The following NEBL variants were observed in gnomAD, a reference collection of about 807,000 sequenced individuals.
NEBL encodes the protein nebulette.
A neutral mutation model predicts 140.2 loss-of-function variants in NEBL; 122 were observed. That is an observed-to-expected ratio of 0.87 (90% CI 0.75 to 1.01). The LOEUF is 1.01. Ranked by LOEUF, NEBL falls within the 50% of genes least tolerant of loss-of-function variation. The pLI, the probability that NEBL is intolerant of heterozygous loss-of-function variation, is 0.00. For synonymous variants in NEBL, 436 were observed against 398.9 expected (o/e 1.09, Z -1.11); for missense variants, 1,365 against 1,231.3 (o/e 1.11, Z -1.62).
chr10:21,105,495 G>A (rs1837672241), intron 2 of NEBL, among the ~76,000 whole-genome samples: 1 of 152,150 alleles, frequency 6.6e-6, no homozygotes, highest in Non-Finnish European at 1.5e-5. Context: ...CTTCATCCAT[G>A]TCCCTGCAAA....
chr10:20,804,775 G>A (rs764221972), intron 26 of NEBL, among the ~76,000 whole-genome samples: 11 of 152,120 alleles, frequency 7.2e-5, no homozygotes, highest in Non-Finnish European at 1.2e-4. Context: ...AGCAGTGACC[G>A]GGGCCCAAGA....
At chr10:21,042,646 A>C (rs775608560) in intron 2 of NEBL, among the ~76,000 whole-genome samples, 8 of 152,198 alleles carry the variant, frequency 5.3e-5, no homozygotes, top group South Asian at 2.1e-4. Context: ...TGATGGCTTG[A>C]AATTTACCAT....
At chr10:21,129,366 C>A (rs980638716) in intron 2 of NEBL, among the ~76,000 whole-genome samples, 17 of 151,960 alleles carry the variant, frequency 1.1e-4, no homozygotes, top group Non-Finnish European at 2.2e-4. Flanking sequence ...CCCACCTTAG[C>A]CTTTTGAGTG....
chr10:20,864,747 T>G (rs1471929624), intron 7 of NEBL, among the ~76,000 whole-genome samples: 1 of 152,194 alleles, frequency 6.6e-6, no homozygotes, highest in Non-Finnish European at 1.5e-5. Flanking sequence ...ACTTTAATGC[T>G]GTCAGTGAAA....
chr10:20,919,991 A>G (rs1833504362), intron 4 of NEBL, among the ~76,000 whole-genome samples: 1 of 152,196 alleles, frequency 6.6e-6, no homozygotes, highest in Non-Finnish European at 1.5e-5. Flanking sequence ...ACAACCCAAT[A>G]TGGACAAAAG....
rs76400717 is a variant in NEBL, at chr10:20,861,814, A to T, written c.685-1988T>A. Among the ~76,000 whole-genome samples, 1,486 of 152,254 alleles carry T rather than the reference A, an allele frequency of 9.8e-3. 29 individuals carry two copies. Among genetic ancestry groups the T allele is most frequent in the African/African-American group, 0.034 (1,422 of 41,536 alleles). On this transcript the variant is annotated intron_variant, in intron 7 of 27. Transcript: ENST00000377122. ...ATTAAACCTTGCATATGCTCTCCCA[A>T]GTAAATGTTACAGACACCCCTTCCT... is the stretch of plus-strand genomic sequence containing the variant.
At chr10:21,033,504 T>C (rs955980281) in intron 2 of NEBL, among the ~76,000 whole-genome samples, 8 of 152,246 alleles carry the variant, frequency 5.3e-5, no homozygotes, top group African/African-American at 1.7e-4. Context: ...ATATTAAAAC[T>C]TAAATCTCTG....
At chr10:20,941,882 G>C (rs1282606058) in intron 4 of NEBL, among the ~76,000 whole-genome samples, 1 of 151,800 alleles carries the variant, frequency 6.6e-6, no homozygotes, top group Non-Finnish European at 1.5e-5. Context: ...AACTTACAAG[G>C]GATGTGAAGG....
chr10:20,991,646 G>A (rs981677931), intron 3 of NEBL, among the ~76,000 whole-genome samples: 16 of 150,550 alleles, frequency 1.1e-4, no homozygotes, highest in African/African-American at 3.4e-4. Context: ...CAGGGGTACC[G>A]GTGCAGTTTG....
At chr10:21,175,584 A>G (rs977615204), upstream of NEBL, among the ~76,000 whole-genome samples, 4 of 152,252 alleles carry the variant, frequency 2.6e-5, no homozygotes, top group African/African-American at 9.6e-5. Context: ...ACTGATGGAC[A>G]TATTCATAAT....
chr10:20,799,811 T>C (rs1397622290), intron 26 of NEBL, among the ~76,000 whole-genome samples: 4 of 152,188 alleles, frequency 2.6e-5, no homozygotes, highest in Non-Finnish European at 5.9e-5. Flanking sequence ...TATTTTCTTC[T>C]TCTTAAATAA....
At chr10:20,815,186 T>C (rs1838601924) in intron 22 of NEBL, among the ~76,000 whole-genome samples, 1 of 152,236 alleles carries the variant, frequency 6.6e-6, no homozygotes, top group South Asian at 2.1e-4. Flanking sequence ...ACGTTAACTG[T>C]ATTTAAGGAT....
At chr10:21,092,992 CT>C (rs1379774038) in intron 2 of NEBL, among the ~76,000 whole-genome samples, 2 of 152,094 alleles carry the variant, frequency 1.3e-5, no homozygotes, top group Non-Finnish European at 2.9e-5. Flanking sequence ...TATATTTTCT[CT>C]GATGTGGGAA....
intron 14 of NEBL, among the ~76,000 whole-genome samples, chr10:20,834,958 C>A (rs1240406773): frequency 6.6e-6 from 1 of 152,180 alleles, no homozygotes; most frequent in South Asian, 2.1e-4. Flanking sequence ...GAAGAAAAAA[C>A]TGGTGTTATC....
At chr10:20,928,304 A>G (rs557777202) in intron 4 of NEBL, among the ~76,000 whole-genome samples, 23 of 152,350 alleles carry the variant, frequency 1.5e-4, no homozygotes, top group South Asian at 8.3e-4. Context: ...CAGTTACACC[A>G]GCCACCTTTC....
intron 2 of NEBL, among the ~76,000 whole-genome samples, chr10:21,061,843 C>T (rs1453382581): frequency 1.3e-5 from 2 of 152,142 alleles, no homozygotes; most frequent in East Asian, 1.9e-4. Flanking sequence ...ACTTGGGTCA[C>T]CTCTGTACTT....
At chr10:20,959,678 T>G (rs767196718) in intron 4 of NEBL, among the ~76,000 whole-genome samples, 1 of 152,128 alleles carries the variant, frequency 6.6e-6, no homozygotes. Flanking sequence ...TTATGAAGTC[T>G]ATATTTTTTA....
chr10:21,149,191 G>A (rs1364712866), intron 2 of NEBL, among the ~76,000 whole-genome samples: 2 of 152,230 alleles, frequency 1.3e-5, no homozygotes, highest in Admixed American at 1.3e-4. Context: ...GAACTTCGGG[G>A]CAGCTGTTCC....
intron 2 of NEBL, among the ~76,000 whole-genome samples, chr10:21,138,541 G>A (rs1839464231): frequency 6.6e-6 from 1 of 152,104 alleles, no homozygotes; most frequent in Non-Finnish European, 1.5e-5. Flanking sequence ...GGAGAGGTGA[G>A]GAAGACCAGA....
Sources: allele counts gnomAD v4.1 joint callset (sites outside exome capture counted in the v4.1 genomes callset), GRCh38; gene constraint gnomAD v4.1.1; transcripts MANE v1.5; gene names NCBI Gene and HGNC (gene_info 2026-07-23, HGNC 2026-07-21).